Variants in CNGB1 observed in about 807,000 individuals in gnomAD.
CNGB1 encodes the protein cyclic nucleotide gated channel subunit beta 1.
In CNGB1, 126 loss-of-function variants were observed where a neutral mutation model predicts 151.7. The observed-to-expected ratio is 0.83, with a 90% CI of 0.72 to 0.96. CNGB1 has a LOEUF of 0.96. Ranked by LOEUF, CNGB1 falls within the 40% of genes least tolerant of loss-of-function variation. The probability of loss-of-function intolerance (pLI) is 0.00; values close to 1 mark genes in which losing one functional copy is unlikely to be tolerated. For synonymous variants in CNGB1, 623 were observed against 635.1 expected (o/e 0.98, Z 0.29); for missense variants, 1,698 against 1,627.0 (o/e 1.04, Z -0.75).
At chr16:57,922,488 G>T (rs1961067764) in intron 18 of CNGB1, among the ~76,000 whole-genome samples, 1 of 150,554 alleles carries the variant, frequency 6.6e-6, no homozygotes, top group African/African-American at 2.5e-5. Flanking sequence ...GAGTGCAGAG[G>T]TGTGATCTCA....
intron 5 of CNGB1, 23 bp from the exon 6 acceptor site, chr16:57,962,895 CATGGG>C (rs1277798955): frequency 4.3e-6 from 7 of 1,612,512 alleles, no homozygotes; most frequent in Non-Finnish European, 5.1e-6. Context: ...GACAGACAGA[CATGGG>C]CAGGGAGCCC....
intron 31 of CNGB1, among the ~76,000 whole-genome samples, chr16:57,890,528 C>T (rs183904678): frequency 6.6e-6 from 1 of 152,340 alleles, no homozygotes; most frequent in East Asian, 1.9e-4. Context: ...ATTGAGCTAG[C>T]TTCTGGGGCA....
Position 57,917,522 on chromosome 16 carries a change from G to A in CNGB1, c.1958-46C>T, listed in dbSNP as rs775546803. 25 of 1,585,770 alleles carry A rather than the reference G, an allele frequency of 1.6e-5. No homozygotes were observed. In the South Asian group the frequency reaches 2.8e-4, roughly 18 times the overall value. ...GACGCTAGAGCATCAGCCAGGCAAG[G>A]CTCTTCACCAGTTGGATCAGGTAGG... On this transcript the variant is annotated intron_variant, in intron 20 of 32. Transcript: ENST00000251102.
At chr16:57,955,301 A>G (rs1369739743) in intron 12 of CNGB1, 2 of 1,551,302 alleles carry the variant, frequency 1.3e-6, no homozygotes, top group Non-Finnish European at 1.7e-6. Context: ...CCTTCCATCC[A>G]TGTGTCCATC....
At position 57,952,346 on chromosome 16, in the gene CNGB1, G is replaced by A. The variant is rs1052435617; in HGVS notation, c.875-1806C>T. Among the ~76,000 whole-genome samples, 8 of 152,254 alleles carry A rather than the reference G, an allele frequency of 5.3e-5. 1 individual carries two copies. In the South Asian group the frequency reaches 1.2e-3, roughly 24 times the overall value. On this transcript the variant is annotated intron_variant, in intron 12 of 32. Transcript: ENST00000251102. ...CAGGTGATAAATGTGCCCCACGAGC[G>A]CCTCACTGGCATCAGTGGCCACTCC...
chr16:57,918,970 G>A (rs2149365718), intron 20 of CNGB1, 129 bp downstream of exon 20: 1 of 1,520,090 alleles, frequency 6.6e-7, no homozygotes. Flanking sequence ...AGGTATAAAA[G>A]ATCATGAACC....
chr16:57,927,876 A>G (rs1317463186), intron 17 of CNGB1, among the ~76,000 whole-genome samples: 1 of 152,220 alleles, frequency 6.6e-6, no homozygotes, highest in African/African-American at 2.4e-5. Context: ...AGTGAACTAA[A>G]CATAAGAACT....
chr16:57,945,918 C>T (rs1026150184), intron 14 of CNGB1, among the ~76,000 whole-genome samples: 8 of 152,200 alleles, frequency 5.3e-5, no homozygotes, highest in Admixed American at 2.0e-4. Context: ...ATTGAGAAAC[C>T]TTTTGCACAA....
chr16:57,940,749 A>C (rs1297693253), intron 14 of CNGB1, among the ~76,000 whole-genome samples: 11 of 152,102 alleles, frequency 7.2e-5, no homozygotes, highest in African/African-American at 2.7e-4. Context: ...GAGCATGACA[A>C]AAGTGAGGCC....
rs1212871173 is a variant in CNGB1 at position 57,917,548 on chromosome 16, G to C, written c.1958-72C>G. The stretch of plus-strand genomic sequence containing the variant: ...CTCTTCACCAGTTGGATCAGGTAGG[G>C]TTTTGTTCTTTCTACTCCTTCAACT... On this transcript the variant is annotated intron_variant, in intron 20 of 32. Transcript: ENST00000251102. 6.0e-5 allele frequency: 89 copies of C among 1,488,612 alleles called. 1 individual carries two copies. The South Asian group carries it at 6.9e-4, about 12-fold the overall frequency. 92.2% of individuals were successfully genotyped at this position (1,488,612 alleles called of 1,614,324 possible).
At chr16:57,967,325 G>A (rs1177524460) in intron 1 of CNGB1, 31 bp from the exon 2 acceptor site, 11 of 1,612,172 alleles carry the variant, frequency 6.8e-6, no homozygotes, top group Admixed American at 1.7e-5. Context: ...AGCCCTCCCT[G>A]GAGCACTCAC....
Position 57,959,723 on chromosome 16 carries a change from T to C in CNGB1, c.761+165A>G, listed in dbSNP as rs372845837. Among the ~76,000 whole-genome samples, 37 of 152,346 alleles carry C rather than the reference T, an allele frequency of 2.4e-4. No individual in the cohort carries two copies. The East Asian group carries it at 5.4e-3, about 22-fold the overall frequency. ...CAAAGCTTGAAAGCTTGGACGTGCA[T>C]AGAAAATGTGGGAAAGGGCACGAAG... On this transcript the variant is annotated intron_variant, in intron 10 of 32. Transcript: ENST00000251102.
intron 1 of CNGB1, among the ~76,000 whole-genome samples, chr16:57,967,998 A>C (rs1178503406): frequency 1.3e-5 from 2 of 152,198 alleles, no homozygotes; most frequent in African/African-American, 4.8e-5. Flanking sequence ...AATAAGTTAC[A>C]CTATACCCAA....
Position 57,915,224 on chromosome 16 carries a change from G to A in CNGB1, c.2304+25C>T, listed in dbSNP as rs368784633. 6 of 1,592,178 alleles carry A rather than the reference G, an allele frequency of 3.8e-6. No homozygotes were observed. In the African/African-American group the frequency reaches 6.7e-5, roughly 18 times the overall value. ...CAGAGCAGGGATGAGCTGAAGGCCT[G>A]GGGTGGTGGGCCCAGCAGTCCTACC... On this transcript the variant is annotated intron_variant, in intron 23 of 32. Coordinates refer to ENST00000251102, the MANE Select transcript of CNGB1 (RefSeq NM_001297.5).
Position 57,887,880 on chromosome 16 carries a change from G to T in CNGB1, c.3437C>A (p.Ala1146Glu), listed in dbSNP as rs1296087515. Residue 1146 changes from alanine to glutamate, a missense_variant, in exon 32 of 33, where the codon GCA becomes GAA. By Grantham distance (107) the Ala-to-Glu change is moderately radical. Transcript: ENST00000251102. ...LKELAALEAA[A>E]KQQELVEQAK... is the part of the protein sequence containing the mutation. ...CTGTTCCACCAACTCTTGCTGCTTT[G>T]CAGCCGCCTCCAGCGCGGCCAGTTC... The T allele has an allele frequency of 6.8e-6, 11 of 1,614,042 alleles. No individual in the cohort carries two copies. In the African/African-American group the frequency reaches 1.1e-4, roughly 16 times the overall value.
rs1402532296 is a variant in CNGB1, at chr16:57,882,956, G to A, written c.*1208C>T. 1 of 152,078 alleles carries A rather than the reference G, an allele frequency of 6.6e-6. No individual in the cohort carries two copies. The highest frequency in any genetic ancestry group is 1.5e-5 in the Non-Finnish European group (1 of 68,014). The allele number at this position is 152,078 out of a possible 1,614,324, so 9.4% of individuals were successfully genotyped here. On this transcript the variant is annotated 3_prime_UTR_variant, in exon 33 of 33. Transcript: ENST00000251102. ...AGCGAGAGTGTCAAAAGTGAGTAAC[G>A]GACTGATCCCTGCTGGCGAATGGGG...
Position 57,897,495 on chromosome 16 carries a change from C to A in CNGB1, c.3144G>T (p.Ala1048=). ...GGATGAAGAGGTTGGTAAACCCGTG[C>A]GCCACCACGTTGGCCGTGCGCCGGT... The part of the protein sequence containing the change: ...GGNRRTANVV[A]HGFTNLFILD... The change falls in exon 31 of 33, where the codon GCG becomes GCT. Residue 1048 remains alanine, a synonymous_variant. Coordinates refer to ENST00000251102, the MANE Select transcript of CNGB1 (RefSeq NM_001297.5). The A allele has an allele frequency of 6.2e-7, 1 of 1,614,078 alleles. No homozygotes were observed. The highest frequency in any genetic ancestry group is 8.5e-7 in the Non-Finnish European group (1 of 1,179,944).
intron 16 of CNGB1, among the ~76,000 whole-genome samples, chr16:57,936,617 AC>A (rs1202128439): frequency 6.6e-6 from 1 of 151,942 alleles, no homozygotes; most frequent in Non-Finnish European, 1.5e-5. Context: ...ACATAGCAAA[AC>A]CCCGTCTCTA....
At chr16:57,905,361 GA>G (rs143439132) in intron 25 of CNGB1, among the ~76,000 whole-genome samples, 22,006 of 152,222 alleles carry the variant, frequency 0.14, 1,785 homozygotes, top group South Asian at 0.19. Flanking sequence ...CCATTTTCCA[GA>G]GAGTGAAACT....
Sources: gnomAD v4.1 joint callset for allele counts (sites outside exome capture counted in the v4.1 genomes callset) on GRCh38, gnomAD v4.1.1 for gene constraint, MANE v1.5 for transcripts, NCBI Gene and HGNC (gene_info 2026-07-23, HGNC 2026-07-21) for gene names.